The following SVEP1 variants were observed in gnomAD, a reference collection of about 807,000 sequenced individuals.
The protein encoded by SVEP1 is sushi, von Willebrand factor type A, EGF and pentraxin domain-containing protein 1.
A neutral mutation model predicts 367.3 loss-of-function variants in SVEP1; 164 were observed. That is an observed-to-expected ratio of 0.45 (90% CI 0.39 to 0.51). SVEP1 has a LOEUF of 0.51. Among genes scored for constraint, SVEP1 ranks in the 20% least tolerant of loss-of-function variants. The pLI is 0.00. For missense variants in SVEP1, 4,117 were observed against 4,425.3 expected, an observed-to-expected ratio of 0.93 and a Z score of 1.98; for synonymous variants, 1,666 against 1,611.6, an observed-to-expected ratio of 1.03 and a Z score of -0.81.
At chr9:110,385,443 G>T (rs1827505328) in intron 43 of SVEP1, among the ~76,000 whole-genome samples, 1 of 152,206 alleles carries the variant, frequency 6.6e-6, no homozygotes, top group Non-Finnish European at 1.5e-5. Context: ...TTCTCAGATT[G>T]TTTTTTCTGG....
intron 1 of SVEP1, among the ~76,000 whole-genome samples, chr9:110,558,585 T>A: frequency 7.0e-6 from 1 of 143,786 alleles, no homozygotes; most frequent in Non-Finnish European, 1.5e-5. Context: ...AAAACCTCCA[T>A]AAAAAACAAG....
At chr9:110,563,351 ATTAT>A (rs1830453878) in intron 1 of SVEP1, among the ~76,000 whole-genome samples, 1 of 152,166 alleles carries the variant, frequency 6.6e-6, no homozygotes, top group Non-Finnish European at 1.5e-5. Flanking sequence ...AACTGTAATT[ATTAT>A]TATGTTTTCC....
chr9:110,375,165 G>C (rs116806692), intron 46 of SVEP1, among the ~76,000 whole-genome samples: 2 of 151,854 alleles, frequency 1.3e-5, no homozygotes, highest in Non-Finnish European at 2.9e-5. Flanking sequence ...GCTATTCTTC[G>C]GCACATGACC....
rs144204381 is a variant in SVEP1 at position 110,444,637 on chromosome 9, A to G, written c.4464-917T>C. On this transcript the variant is annotated intron_variant, in intron 26 of 47. Transcript: ENST00000374469. ...AGCTAATAAGCAGTTTAAAGTAAAAAGTCTTCAAAATCAAATGGAGAAAAA... is the reference window on the plus strand; with the variant it reads ...AGCTAATAAGCAGTTTAAAGTAAAAGGTCTTCAAAATCAAATGGAGAAAAA... 8.3e-3 allele frequency among the ~76,000 whole-genome samples: 1,261 copies of G among 152,350 alleles called. 15 individuals carry two copies. The highest frequency in any genetic ancestry group is 0.029 in the African/African-American group (1,217 of 41,562).
chr9:110,555,876 T>C (rs531636333), intron 1 of SVEP1, among the ~76,000 whole-genome samples: 7 of 152,304 alleles, frequency 4.6e-5, no homozygotes, highest in African/African-American at 1.4e-4. Context: ...CAAAACGTTT[T>C]TATACCCCAG....
At chr9:110,425,501 C>T (rs1828239991) in intron 36 of SVEP1, among the ~76,000 whole-genome samples, 1 of 152,136 alleles carries the variant, frequency 6.6e-6, no homozygotes, top group Non-Finnish European at 1.5e-5. Flanking sequence ...GAATGTGGCC[C>T]AACACCTTCA....
At chr9:110,412,064 C>T (rs1236205812) in intron 36 of SVEP1, among the ~76,000 whole-genome samples, 1 of 152,034 alleles carries the variant, frequency 6.6e-6, no homozygotes, top group Admixed American at 6.6e-5. Flanking sequence ...AATATTTGCT[C>T]AGAAAGGGAA....
chr9:110,407,036 A>G lies in SVEP1; in HGVS notation c.8564T>C (p.Ile2855Thr), dbSNP rs1345408308. The change falls in exon 38 of 48, where the codon ATT becomes ACT. Residue 2855 changes from isoleucine (I) to threonine (T), a missense_variant. Ile to Thr is a moderately conservative substitution (Grantham distance 89). This residue lies in a region of SVEP1 where 1,765 missense variants were observed against 1,781.1 expected (regional missense o/e 0.99). Transcript: ENST00000374469. Reference sequence around the variant, plus strand: ...GAACCCTTCATTGCAAGTGTATTCAATCTCTTTTTGGAATGTGTACTCGTC... The same window carrying G: ...GAACCCTTCATTGCAAGTGTATTCAGTCTCTTTTTGGAATGTGTACTCGTC... ...RGDEYTFQKE[I>T]EYTCNEGFLL... 4.3e-6 allele frequency: 7 copies of G among 1,613,822 alleles called. No individual in the cohort carries two copies. The highest frequency in any genetic ancestry group is 3.3e-5 in the South Asian group (3 of 91,068).
intron 9 of SVEP1, among the ~76,000 whole-genome samples, chr9:110,487,064 C>T (rs1245175833): frequency 6.6e-6 from 1 of 152,196 alleles, no homozygotes; most frequent in African/African-American, 2.4e-5. Context: ...TTAAGCAATT[C>T]TCCTGCCTCA....
At position 110,434,526 on chromosome 9, in the gene SVEP1, G is replaced by T. The variant is rs1379554643; in HGVS notation, c.4889-20C>A. ...GGCAATCTGAGGGCAAAGAACACAG[G>T]TGCAGAGCTTGTCAGCGGCATAGTG... On this transcript the variant is annotated intron_variant, in intron 29 of 47. Transcript: ENST00000374469. 1.2e-6 allele frequency: 2 copies of T among 1,608,200 alleles called. No homozygotes were observed. The highest frequency in any genetic ancestry group is 2.7e-5 in the African/African-American group (2 of 74,680).
intron 13 of SVEP1, 53 bp downstream of exon 13, chr9:110,479,582 G>C (rs553970197): frequency 6.5e-7 from 1 of 1,541,906 alleles, no homozygotes. Context: ...GACTCAGAAA[G>C]GTTATGAAAG....
intron 43 of SVEP1, among the ~76,000 whole-genome samples, chr9:110,380,310 C>T (rs1827414554): frequency 6.6e-6 from 1 of 152,040 alleles, no homozygotes; most frequent in Admixed American, 6.6e-5. Context: ...CCAGTTTGTT[C>T]AACTTTTGAA....
intron 5 of SVEP1, among the ~76,000 whole-genome samples, chr9:110,503,863 G>A (rs868435125): frequency 6.6e-6 from 1 of 151,982 alleles, no homozygotes; most frequent in Non-Finnish European, 1.5e-5. Flanking sequence ...CTGTGGTAGA[G>A]GCTTATAGTT....
intron 9 of SVEP1, among the ~76,000 whole-genome samples, chr9:110,485,822 T>C (rs189667258): frequency 6.6e-6 from 1 of 152,276 alleles, no homozygotes; most frequent in East Asian, 1.9e-4. Context: ...AGTATTCCTA[T>C]CCAAGATATA....
At chr9:110,465,176 G>C (rs1050171493) in intron 18 of SVEP1, among the ~76,000 whole-genome samples, 1 of 151,836 alleles carries the variant, frequency 6.6e-6, no homozygotes, top group African/African-American at 2.4e-5. Flanking sequence ...CCGAATCAAA[G>C]ACCCTGGAGG....
At chr9:110,490,643 T>C (rs998410035) in intron 8 of SVEP1, among the ~76,000 whole-genome samples, 4 of 152,106 alleles carry the variant, frequency 2.6e-5, no homozygotes, top group African/African-American at 9.7e-5. Context: ...ACAGAATTAT[T>C]AAACCCAATC....
At chr9:110,466,849 A>G (rs1372429169) in intron 17 of SVEP1, among the ~76,000 whole-genome samples, 1 of 151,666 alleles carries the variant, frequency 6.6e-6, no homozygotes, top group Non-Finnish European at 1.5e-5. Flanking sequence ...TCATCCAAGG[A>G]CCAGTGGGGA....
chr9:110,394,515 G>A (rs536775823), intron 40 of SVEP1, among the ~76,000 whole-genome samples: 51 of 152,322 alleles, frequency 3.3e-4, no homozygotes, highest in African/African-American at 8.7e-4. Context: ...TGACTTTGAC[G>A]AGTTGAGAGA....
intron 28 of SVEP1, 143 bp downstream of exon 28, chr9:110,436,236 TA>T: frequency 9.5e-7 from 1 of 1,050,696 alleles, no homozygotes; most frequent in Non-Finnish European, 1.3e-6. Context: ...ACTTCATCTA[TA>T]ACCACAGCAT....
Sources: allele counts gnomAD v4.1 joint callset (sites outside exome capture counted in the v4.1 genomes callset), GRCh38; gene constraint gnomAD v4.1.1; regional missense constraint gnomAD v4.1.1; transcripts MANE v1.5; gene names NCBI Gene and HGNC (gene_info 2026-07-23, HGNC 2026-07-21).